The following PDGFC variants were observed in gnomAD, a reference collection of about 807,000 sequenced individuals.
PDGFC encodes the protein platelet derived growth factor C, also known as platelet-derived growth factor C.
In PDGFC, 12 loss-of-function variants were observed where a neutral mutation model predicts 35.5. The ratio of observed to expected loss-of-function variants is 0.34; its 90% CI spans 0.22 to 0.55. The LOEUF (loss-of-function observed/expected upper bound fraction) is 0.55, where lower values mean the gene tolerates loss of function less well. Among genes scored for constraint, PDGFC ranks in the 20% least tolerant of loss-of-function variants. The pLI is 0.91. For missense variants in PDGFC, 322 were observed against 412.4 expected, an observed-to-expected ratio of 0.78 and a Z score of 1.90; for synonymous variants, 159 against 148.8, an observed-to-expected ratio of 1.07 and a Z score of -0.50.
intron 1 of PDGFC, among the ~76,000 whole-genome samples, chr4:156,944,911 G>A (rs1410026797): frequency 2.0e-5 from 3 of 151,360 alleles, no homozygotes; most frequent in Non-Finnish European, 4.4e-5. Flanking sequence ...ATCTTGCTAG[G>A]CACATTCTGA....
Position 156,901,884 on chromosome 4 carries a change from T to C in PDGFC, c.119-51468A>G, listed in dbSNP as rs949669164. Among the ~76,000 whole-genome samples, 9 of 152,114 alleles carry C rather than the reference T, an allele frequency of 5.9e-5. No individual in the cohort carries two copies. In the East Asian group the frequency reaches 7.7e-4, roughly 13 times the overall value. Reference sequence around the variant, plus strand: ...GCCTCGGCCTCCCAAAGTTCTGGAATTATAGGCATGAGCCACGGAGCCTGG... The same window carrying C: ...GCCTCGGCCTCCCAAAGTTCTGGAACTATAGGCATGAGCCACGGAGCCTGG... On this transcript the variant is annotated intron_variant, in intron 1 of 5. Coordinates refer to ENST00000502773, the MANE Select transcript of PDGFC (RefSeq NM_016205.3).
chr4:156,882,258 G>A (rs1248260055), intron 1 of PDGFC, among the ~76,000 whole-genome samples: 1 of 152,134 alleles, frequency 6.6e-6, no homozygotes, highest in Non-Finnish European at 1.5e-5. Flanking sequence ...TGAATTTTGT[G>A]TAGTTATTCA....
chr4:156,910,005 T>C lies in PDGFC; in HGVS notation c.119-59589A>G, dbSNP rs75974529. Among the ~76,000 whole-genome samples the C allele has an allele frequency of 7.0e-3, 1,072 of 152,174 alleles. 20 individuals carry two copies. The highest frequency in any genetic ancestry group is 0.025 in the African/African-American group (1,021 of 41,528). Reference sequence around the variant, plus strand: ...AATCTACAAGCCAAGCAATGTCAAATACTATCACAACCTCCAAAAGCTTAG... The same window carrying C: ...AATCTACAAGCCAAGCAATGTCAAACACTATCACAACCTCCAAAAGCTTAG... On this transcript the variant is annotated intron_variant, in intron 1 of 5. Transcript: ENST00000502773.
At position 156,763,112 on chromosome 4, in the gene PDGFC, C is replaced by T; in HGVS notation, c.1016G>A (p.Cys339Tyr). 6.2e-7 allele frequency: 1 copy of T among 1,602,686 alleles called. No homozygotes were observed. Among genetic ancestry groups the T allele is most frequent in the South Asian group, 1.1e-5 (1 of 90,806 alleles). The change falls in exon 6 of 6, where the codon TGC (cysteine) becomes TAC (tyrosine). Residue 339 changes from cysteine to tyrosine, a missense_variant. Cys to Tyr is a radical substitution (Grantham distance 194). Around this residue, in one of 2 missense-constraint regions of PDGFC, gnomAD observed 202 missense variants for 295.9 expected, o/e 0.68. Coordinates refer to ENST00000502773, the MANE Select transcript of PDGFC (RefSeq NM_016205.3). ...CGGCTATCCTCCTGTGCTCCCTCTG[C>T]ACACACAGTCACACTCCTCATGGTG... ...LEHHEECDCV[C>Y]RGSTGG
At chr4:156,888,548 A>G (rs1464014785) in intron 1 of PDGFC, among the ~76,000 whole-genome samples, 1 of 152,152 alleles carries the variant, frequency 6.6e-6, no homozygotes, top group Non-Finnish European at 1.5e-5. Flanking sequence ...TTATCAAGAA[A>G]TCTTTCTTGA....
At chr4:156,851,260 GATCT>G (rs1475912710) in intron 1 of PDGFC, among the ~76,000 whole-genome samples, 2 of 152,106 alleles carry the variant, frequency 1.3e-5, no homozygotes, top group Non-Finnish European at 2.9e-5. Context: ...TGTTATAAGG[GATCT>G]ATTAGCAGTA....
chr4:156,798,105 T>C (rs528444289), intron 3 of PDGFC, among the ~76,000 whole-genome samples: 1 of 151,984 alleles, frequency 6.6e-6, no homozygotes, highest in Non-Finnish European at 1.5e-5. Context: ...GGCAGGAGAA[T>C]CACTTGAACA....
intron 1 of PDGFC, among the ~76,000 whole-genome samples, chr4:156,900,289 C>A (rs907539713): frequency 6.6e-6 from 1 of 152,180 alleles, no homozygotes; most frequent in African/African-American, 2.4e-5. Flanking sequence ...GGTTCCCTGT[C>A]CTCTAAAGAG....
At chr4:156,852,136 T>C (rs1003564003) in intron 1 of PDGFC, among the ~76,000 whole-genome samples, 3 of 152,084 alleles carry the variant, frequency 2.0e-5, no homozygotes, top group Admixed American at 6.6e-5. Context: ...GACAATTATA[T>C]AGTGCAACTT....
Position 156,830,739 on chromosome 4 carries a change from C to T in PDGFC, c.314+19482G>A, listed in dbSNP as rs575293056. On this transcript the variant is annotated intron_variant, in intron 2 of 5. Transcript: ENST00000502773. ...TATCTAATGGTGGCTTTCAAAATAT[C>T]GAGCATGCAATTCTTTAAAACAAAA... Among the ~76,000 whole-genome samples, 5 of 152,220 alleles carry T rather than the reference C, an allele frequency of 3.3e-5. No homozygotes were observed. The East Asian group carries it at 5.8e-4, about 18-fold the overall frequency.
intron 3 of PDGFC, among the ~76,000 whole-genome samples, chr4:156,795,273 T>C (rs1242128931): frequency 2.6e-5 from 4 of 152,134 alleles, no homozygotes; most frequent in African/African-American, 9.7e-5. Flanking sequence ...AAAAAACTGC[T>C]GTTAAGTCAG....
intron 1 of PDGFC, chr4:156,861,429 CT>C: frequency 8.3e-7 from 1 of 1,208,164 alleles, no homozygotes; most frequent in Non-Finnish European, 1.1e-6. Context: ...TTTTGCTTAC[CT>C]TTTAAATGTT....
At chr4:156,924,766 G>T (rs1162177996) in intron 1 of PDGFC, among the ~76,000 whole-genome samples, 5 of 152,196 alleles carry the variant, frequency 3.3e-5, no homozygotes, top group Non-Finnish European at 7.3e-5. Flanking sequence ...CCTAAGGGGT[G>T]GGGAAGCTTT....
intron 2 of PDGFC, chr4:156,842,308 G>C: frequency 6.6e-6 from 1 of 151,282 alleles, no homozygotes; most frequent in East Asian, 1.9e-4. Flanking sequence ...TTCCTACCCA[G>C]ACCGATAACA....
intron 3 of PDGFC, among the ~76,000 whole-genome samples, chr4:156,798,627 G>C (rs867688906): frequency 1.3e-5 from 2 of 152,026 alleles, no homozygotes; most frequent in Non-Finnish European, 2.9e-5. Flanking sequence ...GAAAATATTG[G>C]TGTCAGAAAG....
chr4:156,850,095 A>G (rs1416635427), intron 2 of PDGFC, 126 bp downstream of exon 2: 2 of 511,644 alleles, frequency 3.9e-6, no homozygotes, highest in African/African-American at 3.9e-5. Context: ...ATAAGGCTGG[A>G]AATTTCTTAG....
chr4:156,967,733 T>C (rs1370915176), intron 1 of PDGFC: 1 of 152,182 alleles, frequency 6.6e-6, no homozygotes, highest in Non-Finnish European at 1.5e-5. Context: ...CATTCCACAA[T>C]AGGCATTCTC....
chr4:156,872,955 C>T (rs1420835642), intron 1 of PDGFC, among the ~76,000 whole-genome samples: 1 of 152,052 alleles, frequency 6.6e-6, no homozygotes, highest in East Asian at 1.9e-4. Flanking sequence ...CACAGTGAGA[C>T]CTGATTTCTA....
chr4:156,899,406 C>T (rs1730713106), intron 1 of PDGFC, among the ~76,000 whole-genome samples: 1 of 152,224 alleles, frequency 6.6e-6, no homozygotes, highest in Non-Finnish European at 1.5e-5. Flanking sequence ...CCTTACTGTC[C>T]TGCTGTTCTT....
Sources: allele counts gnomAD v4.1 joint callset (sites outside exome capture counted in the v4.1 genomes callset), GRCh38; gene constraint gnomAD v4.1.1; regional missense constraint gnomAD v4.1.1; transcripts MANE v1.5; gene names NCBI Gene and HGNC (gene_info 2026-07-23, HGNC 2026-07-21).